The following RAPGEF2 variants were observed in gnomAD, a reference collection of about 807,000 sequenced individuals.
RAPGEF2 encodes the protein Rap guanine nucleotide exchange factor 2.
RAPGEF2 carries 54 observed loss-of-function variants against 186.7 expected under a neutral mutation model. The ratio of observed to expected loss-of-function variants is 0.29; its 90% CI spans 0.23 to 0.36. The LOEUF is 0.36. RAPGEF2 is among the 10% of genes least tolerant of loss of function. RAPGEF2 has a pLI of 1.00. For missense variants in RAPGEF2, 1,532 were observed against 2,045.0 expected, an observed-to-expected ratio of 0.75 and a Z score of 4.84; for synonymous variants, 712 against 705.9, an observed-to-expected ratio of 1.01 and a Z score of -0.14.
intron 1 of RAPGEF2, among the ~76,000 whole-genome samples, chr4:159,159,544 G>A (rs895946052): frequency 6.7e-6 from 1 of 149,742 alleles, no homozygotes; most frequent in Non-Finnish European, 1.5e-5. Flanking sequence ...TTTGATTTAA[G>A]TACATATAGT....
chr4:159,154,245 G>C (rs954998350), intron 1 of RAPGEF2, among the ~76,000 whole-genome samples: 1 of 152,178 alleles, frequency 6.6e-6, no homozygotes, highest in Non-Finnish European at 1.5e-5. Flanking sequence ...AACTAGAGAA[G>C]CAAGTAGAAT....
At chr4:159,253,469 T>C (rs1462877440) in intron 7 of RAPGEF2, among the ~76,000 whole-genome samples, 3 of 152,212 alleles carry the variant, frequency 2.0e-5, no homozygotes, top group African/African-American at 7.2e-5. Context: ...GCCTTAATTA[T>C]TAAGAAGCTG....
At chr4:159,347,567 G>A (rs893973204) in intron 25 of RAPGEF2, among the ~76,000 whole-genome samples, 3 of 151,950 alleles carry the variant, frequency 2.0e-5, no homozygotes, top group Admixed American at 6.6e-5. Context: ...GGCAGATCAC[G>A]AGGTCAGGAG....
chr4:159,288,068 C>T (rs1243434082), intron 7 of RAPGEF2, among the ~76,000 whole-genome samples: 1 of 152,162 alleles, frequency 6.6e-6, no homozygotes, highest in Non-Finnish European at 1.5e-5. Context: ...AACTGAACTA[C>T]TAAGAATTTA....
At chr4:159,222,013 ATTAAAATAT>A (rs1751592562) in intron 4 of RAPGEF2, among the ~76,000 whole-genome samples, 1 of 152,236 alleles carries the variant, frequency 6.6e-6, no homozygotes, top group Non-Finnish European at 1.5e-5. Flanking sequence ...AGTGGTATAT[ATTAAAATAT>A]TCCCCCTTCG....
At chr4:159,182,397 T>TA (rs1337204880) in intron 1 of RAPGEF2, among the ~76,000 whole-genome samples, 1 of 135,584 alleles carries the variant, frequency 7.4e-6, no homozygotes, top group African/African-American at 3.0e-5. Flanking sequence ...TTTTTTTTTT[T>TA]TTTTTTTTTT....
intron 7 of RAPGEF2, among the ~76,000 whole-genome samples, chr4:159,277,766 T>C (rs1282107560): frequency 2.0e-5 from 3 of 152,226 alleles, no homozygotes; most frequent in Non-Finnish European, 4.4e-5. Context: ...CGCTTTTTTA[T>C]GGGGTTGTTT....
chr4:159,182,918 A>G (rs1207388620), intron 1 of RAPGEF2, among the ~76,000 whole-genome samples: 1 of 152,258 alleles, frequency 6.6e-6, no homozygotes, highest in East Asian at 1.9e-4. Flanking sequence ...AAGAAATCAC[A>G]GAAGACCTAA....
At position 159,291,000 on chromosome 4, in the gene RAPGEF2, C is replaced by T. The variant is rs554141560; in HGVS notation, c.544-13342C>T. 3.2e-4 allele frequency among the ~76,000 whole-genome samples: 49 copies of T among 152,308 alleles called. 1 individual carries two copies. The highest frequency in any genetic ancestry group is 1.2e-3 in the African/African-American group (48 of 41,562). On this transcript the variant is annotated intron_variant, in intron 7 of 29. Coordinates refer to ENST00000691494, the MANE Select transcript of RAPGEF2 (RefSeq NM_001394067.2). ...TGAAATCCTTAGAAATAAATCCTAA[C>T]ATGGATATCTTTGTCACAGAAGTAA...
At chr4:159,239,687 T>G (rs1753722564) in intron 5 of RAPGEF2, among the ~76,000 whole-genome samples, 1 of 152,150 alleles carries the variant, frequency 6.6e-6, no homozygotes, top group Non-Finnish European at 1.5e-5. Flanking sequence ...TTTAAAAAAT[T>G]TAGTAACAAA....
At chr4:159,156,007 A>G (rs1744079851) in intron 1 of RAPGEF2, among the ~76,000 whole-genome samples, 1 of 152,232 alleles carries the variant, frequency 6.6e-6, no homozygotes, top group Non-Finnish European at 1.5e-5. Flanking sequence ...ATTCCCTTAT[A>G]AAAGTTACTG....
At chr4:159,212,235 A>T (rs977315087) in intron 4 of RAPGEF2, among the ~76,000 whole-genome samples, 2 of 152,186 alleles carry the variant, frequency 1.3e-5, no homozygotes, top group Non-Finnish European at 2.9e-5. Flanking sequence ...TTGGAATCGT[A>T]AAGCTCTTCC....
Position 159,358,914 on chromosome 4 carries a change from A to G in RAPGEF2, c.*775A>G, listed in dbSNP as rs892666754. The G allele has an allele frequency of 3.3e-5, 5 of 152,264 alleles. No individual in the cohort carries two copies. The highest frequency in any genetic ancestry group is 2.6e-4 in the Admixed American group (4 of 15,282). 9.4% of individuals were successfully genotyped at this position (152,264 alleles called of 1,614,324 possible). On this transcript the variant is annotated 3_prime_UTR_variant, in exon 30 of 30. Coordinates refer to ENST00000691494, the MANE Select transcript of RAPGEF2 (RefSeq NM_001394067.2). The stretch of plus-strand genomic sequence containing the variant: ...TCCTGGAAGTATGAAATGTTAGCCA[A>G]TTAATACCAAGACACCTCATCTGCT...
In RAPGEF2 at chr4:159,322,309, A is replaced by C. The variant is rs772532140; in HGVS notation, c.854-38A>C. ...TTTTTGAATACTTGTTTTTAATAAAAGTAGTAGTTTTTACAAAGTATGTCT... is the reference window on the plus strand; with the variant it reads ...TTTTTGAATACTTGTTTTTAATAAACGTAGTAGTTTTTACAAAGTATGTCT... On this transcript the variant is annotated intron_variant, in intron 9 of 29. Coordinates refer to ENST00000691494, the MANE Select transcript of RAPGEF2 (RefSeq NM_001394067.2). 3 of 1,588,984 alleles carry C rather than the reference A, an allele frequency of 1.9e-6. No individual in the cohort carries two copies. In the Admixed American group the frequency reaches 5.1e-5, roughly 27 times the overall value.
chr4:159,131,498 ATCTT>A (rs1269471627), intron 1 of RAPGEF2, among the ~76,000 whole-genome samples: 3 of 74,518 alleles, frequency 4.0e-5, no homozygotes, highest in Admixed American at 1.3e-4. Context: ...TTATCTTGAT[ATCTT>A]TGTCTGATTA....
chr4:159,171,684 AT>A (rs35888836), intron 1 of RAPGEF2, among the ~76,000 whole-genome samples: 2 of 150,566 alleles, frequency 1.3e-5, no homozygotes, highest in Admixed American at 6.6e-5. Flanking sequence ...TGTCTCTTAA[AT>A]TTTTTTTTTT....
intron 4 of RAPGEF2, among the ~76,000 whole-genome samples, chr4:159,234,060 G>C (rs2111447908): frequency 6.6e-6 from 1 of 152,076 alleles, no homozygotes; most frequent in South Asian, 2.1e-4. Flanking sequence ...GTCTAATTTT[G>C]ATAGAGGGTA....
chr4:159,110,061 G>T (rs1738321613), intron 1 of RAPGEF2, among the ~76,000 whole-genome samples: 1 of 152,186 alleles, frequency 6.6e-6, no homozygotes, highest in Non-Finnish European at 1.5e-5. Flanking sequence ...GGCTGAATGT[G>T]TGCACGTTTT....
intron 7 of RAPGEF2, among the ~76,000 whole-genome samples, chr4:159,260,846 T>A (rs934019668): frequency 6.6e-6 from 1 of 152,144 alleles, no homozygotes. Flanking sequence ...CCTCCCAGGT[T>A]CAAGTGATTC....
Sources: allele counts gnomAD v4.1 joint callset (sites outside exome capture counted in the v4.1 genomes callset), GRCh38; gene constraint gnomAD v4.1.1; transcripts MANE v1.5; gene names NCBI Gene and HGNC (gene_info 2026-07-23, HGNC 2026-07-21).